CELF4: variants seen among roughly 807,000 people sequenced by gnomAD.
CELF4 encodes CUG-BP- and ETR-3-like factor 4.
CELF4 carries 18 observed loss-of-function variants against 59.9 expected under a neutral mutation model. The observed-to-expected ratio is 0.30, with a 90% CI of 0.21 to 0.45. CELF4 has a LOEUF of 0.45. Ranked by LOEUF, CELF4 falls within the 20% of genes least tolerant of loss-of-function variation. CELF4 has a pLI of 1.00. For synonymous variants in CELF4, 261 were observed against 267.1 expected, an observed-to-expected ratio of 0.98 and a Z score of 0.22; for missense variants, 456 against 689.0, an observed-to-expected ratio of 0.66 and a Z score of 3.79.
At chr18:37,470,704 T>A (rs143087386) in intron 2 of CELF4, among the ~76,000 whole-genome samples, 36 of 152,190 alleles carry the variant, frequency 2.4e-4, no homozygotes, top group African/African-American at 8.2e-4. Flanking sequence ...AGAGGAGGAA[T>A]CAGTATTTTC....
At chr18:37,326,225 G>A (rs114352783) in intron 2 of CELF4, among the ~76,000 whole-genome samples, 192 of 152,296 alleles carry the variant, frequency 1.3e-3, no homozygotes, top group African/African-American at 4.5e-3. Context: ...AGAGCAGAGG[G>A]GTCAGGGGAA....
chr18:37,470,303 C>T (rs2154602540), intron 2 of CELF4, among the ~76,000 whole-genome samples: 1 of 152,330 alleles, frequency 6.6e-6, no homozygotes, highest in East Asian at 1.9e-4. Flanking sequence ...CACTTCATCA[C>T]TGTGCTAGTT....
intron 2 of CELF4, among the ~76,000 whole-genome samples, chr18:37,387,326 A>G (rs652495): frequency 0.94 from 142,809 of 152,296 alleles, 67,069 homozygotes; most frequent in East Asian, 1. Flanking sequence ...CCAGCAGAGC[A>G]GCAAGGGGCC....
chr18:37,372,435 A>G (rs1430029997), intron 2 of CELF4, among the ~76,000 whole-genome samples: 1 of 152,208 alleles, frequency 6.6e-6, no homozygotes, highest in Non-Finnish European at 1.5e-5. Flanking sequence ...GAACAATGAG[A>G]ACACTTGGAC....
At chr18:37,315,261 C>A (rs2154502886) in intron 3 of CELF4, among the ~76,000 whole-genome samples, 1 of 152,166 alleles carries the variant, frequency 6.6e-6, no homozygotes. Flanking sequence ...TAGAAAGAGA[C>A]AAAGGGAGCC....
intron 1 of CELF4, among the ~76,000 whole-genome samples, chr18:37,538,609 G>A (rs1461135888): frequency 6.6e-6 from 1 of 152,214 alleles, no homozygotes; most frequent in Admixed American, 6.5e-5. Flanking sequence ...TGGGACTAGT[G>A]ATTCCCTCAG....
At chr18:37,394,687 G>T (rs2099219109) in intron 2 of CELF4, among the ~76,000 whole-genome samples, 1 of 152,194 alleles carries the variant, frequency 6.6e-6, no homozygotes, top group Non-Finnish European at 1.5e-5. Context: ...GACATGGGGG[G>T]TGTCACACGG....
intron 2 of CELF4, among the ~76,000 whole-genome samples, chr18:37,334,618 G>T (rs927358619): frequency 5.3e-5 from 8 of 151,870 alleles, no homozygotes; most frequent in Admixed American, 5.2e-4. Context: ...GCCCTCCCCT[G>T]TGTAACTGTT....
At position 37,273,188 on chromosome 18, in the gene CELF4, T is replaced by A. The variant is rs758320115; in HGVS notation, c.802-25A>T. 11 of 1,594,586 alleles carry A rather than the reference T, an allele frequency of 6.9e-6. No homozygotes were observed. In the African/African-American group the frequency reaches 1.5e-4, roughly 21 times the overall value. On this transcript the variant is annotated intron_variant, in intron 6 of 12. Coordinates refer to ENST00000420428, the MANE Select transcript of CELF4 (RefSeq NM_020180.4). Reference sequence around the variant, plus strand: ...GCTGGGGCAGAGGGAGTGGAAAAAATATCACGTGCTTCCAGGGGGCATCCC... The same window carrying A: ...GCTGGGGCAGAGGGAGTGGAAAAAAAATCACGTGCTTCCAGGGGGCATCCC...
intron 3 of CELF4, among the ~76,000 whole-genome samples, chr18:37,305,133 A>T (rs2096311037): frequency 6.6e-6 from 1 of 152,140 alleles, no homozygotes; most frequent in South Asian, 2.1e-4. Flanking sequence ...AAACTAAAGC[A>T]TCTTATAAAA....
intron 2 of CELF4, among the ~76,000 whole-genome samples, chr18:37,431,243 G>A (rs771393568): frequency 2.3e-4 from 35 of 152,082 alleles, no homozygotes; most frequent in Non-Finnish European, 3.1e-4. Context: ...TCATTATGCC[G>A]AAAACAATTG....
intron 2 of CELF4, among the ~76,000 whole-genome samples, chr18:37,340,122 G>A (rs1363924802): frequency 6.6e-6 from 1 of 152,218 alleles, no homozygotes; most frequent in African/African-American, 2.4e-5. Flanking sequence ...CCCAGCCTGG[G>A]GGGCACTGAT....
At chr18:37,369,110 C>A in intron 2 of CELF4, among the ~76,000 whole-genome samples, 1 of 152,232 alleles carries the variant, frequency 6.6e-6, no homozygotes, top group East Asian at 1.9e-4. Context: ...ATGGAAACCT[C>A]CTGCCCCCAG....
In CELF4 at chr18:37,274,285, C is replaced by T. The variant is rs747550123; in HGVS notation, c.801+26G>A. The T allele has an allele frequency of 2.5e-6, 4 of 1,609,022 alleles. No homozygotes were observed. The African/African-American group carries it at 4.0e-5, about 16-fold the overall frequency. On this transcript the variant is annotated intron_variant, in intron 6 of 12. Transcript: ENST00000420428. ...CTCCCAGGGGAGTGAGCTTGAGAAC[C>T]GCTGCCCGTGCGCGCTGCCACTTAC...
chr18:37,522,205 C>T (rs1400804179), intron 1 of CELF4, among the ~76,000 whole-genome samples: 3 of 152,292 alleles, frequency 2.0e-5, no homozygotes, highest in South Asian at 4.2e-4. Context: ...ATGAGTCCCA[C>T]CTCCTCCTGA....
intron 2 of CELF4, among the ~76,000 whole-genome samples, chr18:37,450,205 C>CGTATGTGTGTTAT (rs1031884817): frequency 2.0e-5 from 3 of 151,798 alleles, no homozygotes; most frequent in East Asian, 1.9e-4. Context: ...GGTATATTTT[C>CGTATGTGTGTTAT]GTATGTGTGT....
chr18:37,446,228 A>T (rs903254434), intron 2 of CELF4, among the ~76,000 whole-genome samples: 2 of 152,142 alleles, frequency 1.3e-5, no homozygotes, highest in African/African-American at 2.4e-5. Context: ...GCCATGCCAC[A>T]CTTTTGAACC....
At chr18:37,280,435 A>C (rs946554795) in intron 3 of CELF4, among the ~76,000 whole-genome samples, 1 of 152,172 alleles carries the variant, frequency 6.6e-6, no homozygotes, top group African/African-American at 2.4e-5. Context: ...CATGGCTCTG[A>C]GATCCCTGGA....
chr18:37,274,074 C>G, intron 6 of CELF4: 7 of 1,358,048 alleles, frequency 5.2e-6, no homozygotes, highest in Non-Finnish European at 6.6e-6. Context: ...CTCAGCTCTG[C>G]CCCTTAGAAC....
Sources: gnomAD v4.1 joint callset for allele counts (sites outside exome capture counted in the v4.1 genomes callset) on GRCh38, gnomAD v4.1.1 for gene constraint, MANE v1.5 for transcripts, NCBI Gene and HGNC (gene_info 2026-07-23, HGNC 2026-07-21) for gene names.